Variants in C4orf33 observed in about 807,000 individuals in gnomAD.
C4orf33 encodes chromosome 4 open reading frame 33.
Under a neutral mutation model 24.3 loss-of-function variants are expected in C4orf33, and 20 were observed. The ratio of observed to expected loss-of-function variants is 0.82; its 90% CI spans 0.58 to 1.19. The LOEUF (loss-of-function observed/expected upper bound fraction) is 1.19. Among genes scored for constraint, C4orf33 ranks in the 50% most tolerant of loss-of-function variants. The probability of loss-of-function intolerance (pLI) is 0.00; values close to 1 mark genes in which losing one functional copy is unlikely to be tolerated. For missense variants in C4orf33, 207 were observed against 225.9 expected (o/e 0.92, Z 0.54); for synonymous variants, 67 against 76.4 (o/e 0.88, Z 0.64).
chr4:129,094,197 T>C (rs57440387), upstream of C4orf33, among the ~76,000 whole-genome samples: 734 of 152,346 alleles, frequency 4.8e-3, 4 homozygotes, highest in African/African-American at 0.016. Context: ...TAAGGAAAGA[T>C]AAAAGGTACT....
intron 3 of C4orf33, among the ~76,000 whole-genome samples, chr4:129,107,949 A>G (rs1042475530): frequency 2.0e-5 from 3 of 152,122 alleles, no homozygotes; most frequent in Non-Finnish European, 4.4e-5. Context: ...GTATAAAATT[A>G]ATAGATTTTA....
At position 129,098,333 on chromosome 4, in the gene C4orf33, CT is replaced by C. The variant is rs1753260231; in HGVS notation, c.-10+2125del. ...CCCTTGCCCCTTTCTTCCCTCCCCCCTCTAGTAGTCCCCAGTGTCTGTTGTT... is the reference window on the plus strand; with the variant it reads ...CCCTTGCCCCTTTCTTCCCTCCCCCCCTAGTAGTCCCCAGTGTCTGTTGTT... On this transcript the variant is annotated intron_variant, in intron 1 of 5. Coordinates refer to ENST00000425929, the MANE Select transcript of C4orf33 (RefSeq NM_001099783.2). 2.0e-5 allele frequency among the ~76,000 whole-genome samples: 3 copies of C among 152,278 alleles called. No individual in the cohort carries two copies. The South Asian group carries it at 6.2e-4, about 32-fold the overall frequency.
upstream of C4orf33, among the ~76,000 whole-genome samples, chr4:129,095,221 A>T (rs997234425): frequency 1.3e-5 from 2 of 152,142 alleles, no homozygotes; most frequent in Non-Finnish European, 2.9e-5. Flanking sequence ...TGATGATTTC[A>T]CTTATCCTTA....
chr4:129,105,823 A>G (rs34359646), intron 2 of C4orf33, among the ~76,000 whole-genome samples: 13,498 of 152,224 alleles, frequency 0.089, 780 homozygotes, highest in South Asian at 0.15. Context: ...TTTTAAAAAT[A>G]GCAATATTCA....
chr4:129,098,500 T>C (rs958221919), intron 1 of C4orf33, among the ~76,000 whole-genome samples: 2 of 152,252 alleles, frequency 1.3e-5, no homozygotes, highest in African/African-American at 4.8e-5. Flanking sequence ...GCTATATTTA[T>C]GTAGTAAAAT....
intron 1 of C4orf33, among the ~76,000 whole-genome samples, chr4:129,098,210 G>T (rs1383490798): frequency 3.3e-5 from 5 of 152,010 alleles, no homozygotes; most frequent in Admixed American, 6.5e-5. Flanking sequence ...ATATGTGCGG[G>T]TTTGTCACAT....
intron 1 of C4orf33, among the ~76,000 whole-genome samples, chr4:129,096,454 A>G (rs914395434): frequency 4.6e-5 from 7 of 152,166 alleles, no homozygotes; most frequent in Non-Finnish European, 5.9e-5. Context: ...AACTAAAGAA[A>G]TTTTTGTTGA....
chr4:129,111,222 G>A lies in C4orf33; in HGVS notation c.495-464G>A, dbSNP rs568393158. On this transcript the variant is annotated intron_variant, in intron 5 of 5. Transcript: ENST00000425929. ...TGGTTTTCCTCGAAAGAAAAGAACT[G>A]GGATTAATACTCTTTTACATTAACC... 2.4e-4 allele frequency among the ~76,000 whole-genome samples: 36 copies of A among 152,296 alleles called. No individual in the cohort carries two copies. The South Asian group carries it at 4.1e-3, about 18-fold the overall frequency.
chr4:129,095,307 T>G (rs1753166144), upstream of C4orf33, among the ~76,000 whole-genome samples: 1 of 152,212 alleles, frequency 6.6e-6, no homozygotes, highest in Admixed American at 6.5e-5. Context: ...AGGTGCCACC[T>G]TAGTACTTAC....
chr4:129,107,261 CTT>C (rs1753546838), intron 3 of C4orf33, among the ~76,000 whole-genome samples: 1 of 151,966 alleles, frequency 6.6e-6, no homozygotes, highest in African/African-American at 2.4e-5. Context: ...CTTGGACTCT[CTT>C]TGTTCAGGTT....
intron 2 of C4orf33, among the ~76,000 whole-genome samples, chr4:129,103,282 G>A (rs1019557745): frequency 2.0e-5 from 3 of 151,894 alleles, no homozygotes; most frequent in Non-Finnish European, 4.4e-5. Context: ...GCCTCCCAAA[G>A]TGCTGGGATT....
At chr4:129,108,144 A>G (rs1207937479) in intron 3 of C4orf33, among the ~76,000 whole-genome samples, 1 of 152,164 alleles carries the variant, frequency 6.6e-6, no homozygotes, top group Non-Finnish European at 1.5e-5. Flanking sequence ...CTAAGGCTGC[A>G]TAATAACAAT....
Position 129,114,232 on chromosome 4 carries a change from G to A in C4orf33, c.*2441G>A, listed in dbSNP as rs1403422886. 6.6e-6 allele frequency: 1 copy of A among 152,120 alleles called. No individual in the cohort carries two copies. Among genetic ancestry groups the A allele is most frequent in the African/African-American group, 2.4e-5 (1 of 41,414 alleles). 9.4% of individuals were successfully genotyped at this position (152,120 alleles called of 1,614,324 possible). A position where few individuals can be genotyped will look rare whatever the true frequency, so the allele number is the denominator to read the frequency against. On this transcript the variant is annotated 3_prime_UTR_variant, in exon 6 of 6. Coordinates refer to ENST00000425929, the MANE Select transcript of C4orf33 (RefSeq NM_001099783.2). ...CCATTCTCTCACATGAACTACCCGG[G>A]ATGTGTGAAGGGACTAAAACACCCC...
chr4:129,108,394 CTG>C (rs1753579665), intron 3 of C4orf33, among the ~76,000 whole-genome samples: 2 of 152,078 alleles, frequency 1.3e-5, no homozygotes, highest in Non-Finnish European at 2.9e-5. Context: ...GGAAAATATA[CTG>C]TGTTCCTTTT....
intron 2 of C4orf33, among the ~76,000 whole-genome samples, chr4:129,104,763 T>A (rs2125801783): frequency 6.7e-6 from 1 of 149,782 alleles, no homozygotes; most frequent in Admixed American, 6.7e-5. Flanking sequence ...CATCTGTTTC[T>A]ATTTTTTCCT....
intron 1 of C4orf33, among the ~76,000 whole-genome samples, chr4:129,097,028 C>T (rs1228943108): frequency 2.6e-5 from 4 of 152,180 alleles, no homozygotes; most frequent in Non-Finnish European, 5.9e-5. Flanking sequence ...TCTGCCTCAA[C>T]CTCCCGAGTA....
intron 2 of C4orf33, among the ~76,000 whole-genome samples, chr4:129,105,767 G>A (rs1293543172): frequency 6.6e-6 from 1 of 152,012 alleles, no homozygotes; most frequent in Non-Finnish European, 1.5e-5. Flanking sequence ...CATATATATT[G>A]TTTTAATTAT....
intron 2 of C4orf33, among the ~76,000 whole-genome samples, chr4:129,104,701 T>C (rs1165506215): frequency 6.6e-6 from 1 of 152,216 alleles, no homozygotes. Context: ...AGACAGAGCT[T>C]AAATAGCAAC....
chr4:129,101,077 T>A lies in C4orf33; in HGVS notation c.-9-1525T>A, dbSNP rs964456127. On this transcript the variant is annotated intron_variant, in intron 1 of 5. Coordinates refer to ENST00000425929, the MANE Select transcript of C4orf33 (RefSeq NM_001099783.2). Reference sequence around the variant, plus strand: ...ATGAAGAATATGAGTTGCTGAACATTTCTTCTGAAATGCTATTAGCTTTCT... The same window carrying A: ...ATGAAGAATATGAGTTGCTGAACATATCTTCTGAAATGCTATTAGCTTTCT... 5.9e-5 allele frequency among the ~76,000 whole-genome samples: 9 copies of A among 152,342 alleles called. No homozygotes were observed. The East Asian group carries it at 9.6e-4, about 16-fold the overall frequency.
Sources: gnomAD v4.1 joint callset for allele counts (sites outside exome capture counted in the v4.1 genomes callset) on GRCh38, gnomAD v4.1.1 for gene constraint, MANE v1.5 for transcripts, NCBI Gene and HGNC (gene_info 2026-07-23, HGNC 2026-07-21) for gene names.